Variants in ITPR1 observed in about 807,000 individuals in gnomAD.
ITPR1 encodes inositol 1,4,5-trisphosphate-gated calcium channel ITPR1.
ITPR1 carries 96 observed loss-of-function variants against 318.4 expected under a neutral mutation model. The observed-to-expected ratio is 0.30, with a 90% CI of 0.26 to 0.36. The LOEUF (loss-of-function observed/expected upper bound fraction) is 0.36. Ranked by LOEUF, ITPR1 falls within the 10% of genes least tolerant of loss-of-function variation. The pLI is 1.00. For synonymous variants in ITPR1, 1,312 were observed against 1,289.9 expected (o/e 1.02, Z -0.37); for missense variants, 2,440 against 3,460.2 (o/e 0.71, Z 7.40).
intron 44 of ITPR1, among the ~76,000 whole-genome samples, chr3:4,736,274 G>C (rs1485851143): frequency 6.6e-6 from 1 of 152,146 alleles, no homozygotes; most frequent in Non-Finnish European, 1.5e-5. Flanking sequence ...TATTTGACCT[G>C]ACATATTCTT....
At chr3:4,512,022 C>G (rs959301044) in intron 2 of ITPR1, among the ~76,000 whole-genome samples, 1 of 152,206 alleles carries the variant, frequency 6.6e-6, no homozygotes, top group African/African-American at 2.4e-5. Context: ...GGGTCTTGCT[C>G]TGTTGCCCAG....
At chr3:4,698,290 G>A (rs2125257721) in intron 34 of ITPR1, among the ~76,000 whole-genome samples, 1 of 76 alleles carries the variant, frequency 0.013, no homozygotes, top group East Asian at 0.25. Context: ...GATTACTAGT[G>A]TGAGACAGAA....
intron 2 of ITPR1, 133 bp from the exon 3 acceptor site, chr3:4,516,343 T>C: frequency 1.9e-6 from 1 of 535,484 alleles, no homozygotes; most frequent in Non-Finnish European, 3.3e-6. Context: ...CGCCTGCCTG[T>C]CAAACTGTTA....
chr3:4,815,629 G>C lies in ITPR1; in HGVS notation c.7867+411G>C, dbSNP rs185344006. 2.0e-5 allele frequency among the ~76,000 whole-genome samples: 3 copies of C among 152,118 alleles called. No individual in the cohort carries two copies. The South Asian group carries it at 6.2e-4, about 32-fold the overall frequency. ...AGGCACGGGAGGAGAAGTAGTGAAC[G>C]GCTACGTAAAAGAGGTGCATGGACA... On this transcript the variant is annotated intron_variant, in intron 59 of 61. Coordinates refer to ENST00000649015, the MANE Select transcript of ITPR1 (RefSeq NM_001378452.1).
At chr3:4,554,671 G>T (rs141216134) in intron 4 of ITPR1, among the ~76,000 whole-genome samples, 1,642 of 147,960 alleles carry the variant, frequency 0.011, 35 homozygotes, top group African/African-American at 0.038. Flanking sequence ...TGAGGTTTCA[G>T]TTAACCCGGT....
chr3:4,708,324 A>C (rs532951042), intron 37 of ITPR1, among the ~76,000 whole-genome samples: 2 of 152,272 alleles, frequency 1.3e-5, no homozygotes, highest in Non-Finnish European at 1.5e-5. Context: ...GGTGTTAAAC[A>C]CTTAAACGTG....
At chr3:4,834,536 C>G (rs1240811522) in intron 60 of ITPR1, among the ~76,000 whole-genome samples, 4 of 152,288 alleles carry the variant, frequency 2.6e-5, no homozygotes, top group South Asian at 4.1e-4. Flanking sequence ...CCCTCCTCCC[C>G]TCGCCCTAGT....
chr3:4,644,440 C>A (rs1027149958), intron 8 of ITPR1, among the ~76,000 whole-genome samples: 1 of 152,196 alleles, frequency 6.6e-6, no homozygotes, highest in Non-Finnish European at 1.5e-5. Flanking sequence ...TGGGCTGATA[C>A]TCACTCTAGT....
At chr3:4,692,937 A>G (rs1412564055) in intron 32 of ITPR1, among the ~76,000 whole-genome samples, 1 of 152,202 alleles carries the variant, frequency 6.6e-6, no homozygotes, top group Non-Finnish European at 1.5e-5. Context: ...CCTAGCCAAC[A>G]TGGGGAAACC....
At chr3:4,600,956 C>G (rs2091224644) in intron 4 of ITPR1, among the ~76,000 whole-genome samples, 1 of 152,106 alleles carries the variant, frequency 6.6e-6, no homozygotes, top group East Asian at 1.9e-4. Context: ...TGTTAAGTTG[C>G]ATTTCTTCCT....
chr3:4,759,927 C>G (rs1318578315), intron 44 of ITPR1, among the ~76,000 whole-genome samples: 1 of 152,204 alleles, frequency 6.6e-6, no homozygotes, highest in Non-Finnish European at 1.5e-5. Flanking sequence ...ACTGCCTCAC[C>G]CTGCCCCTGC....
At chr3:4,764,971 TGG>T (rs879420155) in intron 44 of ITPR1, among the ~76,000 whole-genome samples, 2,479 of 150,928 alleles carry the variant, frequency 0.016, 41 homozygotes, top group South Asian at 0.062. Flanking sequence ...GATGGATGGA[TGG>T]ATGGATGGAT....
In ITPR1 at chr3:4,711,871, A is replaced by G; in HGVS notation, c.5103+3A>G. On this transcript the variant is annotated splice_donor_region_variant and intron_variant, in intron 39 of 61. Coordinates refer to ENST00000649015, the MANE Select transcript of ITPR1 (RefSeq NM_001378452.1). ...AAGATAGAGGCTATGGAGAAAAGGTACTGCATTTTATTTTCATGGTCAAAC... is the reference window on the plus strand; with the variant it reads ...AAGATAGAGGCTATGGAGAAAAGGTGCTGCATTTTATTTTCATGGTCAAAC... 7.0e-7 allele frequency: 1 copy of G among 1,423,132 alleles called. No individual in the cohort carries two copies. Among genetic ancestry groups the G allele is most frequent in the East Asian group, 2.5e-5 (1 of 39,872 alleles). The allele number at this position is 1,423,132 out of a possible 1,614,324, so 88.2% of individuals were successfully genotyped here.
Position 4,782,665 on chromosome 3 carries a change from A to G in ITPR1, c.6434A>G (p.Glu2145Gly). Residue 2145 changes from glutamate (E) to glycine (G), a missense_variant, in exon 50 of 62, where the codon GAG becomes GGG. By Grantham distance (98) the Glu-to-Gly change is moderately conservative. Around this residue, in one of 23 missense-constraint regions of ITPR1, gnomAD observed 49 missense variants for 47.2 expected, o/e 1.04. Coordinates refer to ENST00000649015, the MANE Select transcript of ITPR1 (RefSeq NM_001378452.1). Reference sequence around the variant, plus strand: ...TACATGCAAGGTGAAGTGGAATTTGAGGATGGAGAAAACGGTGAGGATGGG... The same window carrying G: ...TACATGCAAGGTGAAGTGGAATTTGGGGATGGAGAAAACGGTGAGGATGGG... Reference protein sequence around the residue: ...KAYMQGEVEFEDGENGEDGAA... With the variant: ...KAYMQGEVEFGDGENGEDGAA... The G allele has an allele frequency of 6.2e-7, 1 of 1,604,758 alleles. No homozygotes were observed. The highest frequency in any genetic ancestry group is 8.5e-7 in the Non-Finnish European group (1 of 1,175,078).
At chr3:4,683,343 A>G in intron 26 of ITPR1, 43 bp from the exon 27 acceptor site, 1 of 1,610,526 alleles carries the variant, frequency 6.2e-7, no homozygotes. Context: ...GAGAGGAGGC[A>G]TTTGTCATTC....
At chr3:4,819,076 C>CT (rs1187223230) in intron 60 of ITPR1, among the ~76,000 whole-genome samples, 2 of 152,176 alleles carry the variant, frequency 1.3e-5, no homozygotes, top group Non-Finnish European at 1.5e-5. Context: ...CTGATAATGA[C>CT]TTACCCTAAA....
At chr3:4,493,646 C>T (rs1242128304) in intron 1 of ITPR1, 41 bp downstream of exon 1, 2 of 152,316 alleles carry the variant, frequency 1.3e-5, no homozygotes, top group African/African-American at 4.8e-5. Flanking sequence ...GGAGTTGGCA[C>T]TGGCTCCCCG....
intron 56 of ITPR1, among the ~76,000 whole-genome samples, chr3:4,812,489 C>T (rs1310206502): frequency 6.6e-6 from 1 of 152,136 alleles, no homozygotes; most frequent in African/African-American, 2.4e-5. Flanking sequence ...ATAGCAAGAA[C>T]AGAAGAGATT....
intron 35 of ITPR1, among the ~76,000 whole-genome samples, chr3:4,702,137 T>A (rs2094668637): frequency 8.8e-6 from 1 of 113,162 alleles, no homozygotes; most frequent in Non-Finnish European, 2.2e-5. Context: ...AGAAAGTCAG[T>A]GTCAAATTGA....
Sources: gnomAD v4.1 joint callset for allele counts (sites outside exome capture counted in the v4.1 genomes callset) on GRCh38, gnomAD v4.1.1 for gene constraint, gnomAD v4.1.1 regional missense constraint, MANE v1.5 for transcripts, NCBI Gene and HGNC (gene_info 2026-07-23, HGNC 2026-07-21) for gene names.